UTP4: variants seen among roughly 807,000 people sequenced by gnomAD.
UTP4 encodes the protein U3 small nucleolar RNA-associated protein 4 homolog.
UTP4 carries 45 observed loss-of-function variants against 82.4 expected under a neutral mutation model. That is an observed-to-expected ratio of 0.55 (90% CI 0.43 to 0.70). The LOEUF is 0.70. UTP4 is among the 30% of genes least tolerant of loss of function. UTP4 has a pLI of 0.00. For missense variants in UTP4, 819 were observed against 858.3 expected (o/e 0.95, Z 0.57); for synonymous variants, 348 against 300.3 (o/e 1.16, Z -1.64).
chr16:69,150,551 C>T lies in UTP4; in HGVS notation c.753C>T (p.Phe251=), dbSNP rs767259669. The change falls in exon 7 of 17, where the codon TTC becomes TTT. Residue 251 remains phenylalanine (F), a synonymous_variant. Coordinates refer to ENST00000314423, the MANE Select transcript of UTP4 (RefSeq NM_032830.3). ...SIAVADQEDS[F]VVGTAEGTVF... is the part of the protein sequence containing the mutation. ...TAATTCCTCAGCAAGAAGACAGTTT[C>T]GTGGTGGGCACAGCCGAGGGAACAG... 7.4e-6 allele frequency: 12 copies of T among 1,614,208 alleles called. No homozygotes were observed. Among genetic ancestry groups the T allele is most frequent in the East Asian group, 2.2e-5 (1 of 44,878 alleles).
At chr16:69,151,522 G>A (rs980809705) in intron 8 of UTP4, among the ~76,000 whole-genome samples, 1 of 149,984 alleles carries the variant, frequency 6.7e-6, no homozygotes, top group Non-Finnish European at 1.5e-5. Flanking sequence ...GGGTTTCACT[G>A]TGTTAACCAG....
At chr16:69,159,953 C>A (rs1567379959) in intron 12 of UTP4, among the ~76,000 whole-genome samples, 2 of 151,142 alleles carry the variant, frequency 1.3e-5, no homozygotes, top group African/African-American at 4.9e-5. Flanking sequence ...CCACTGCACT[C>A]CAGCCCGAGT....
At chr16:69,153,524 G>C (rs1373297391) in intron 8 of UTP4, 60 bp from the exon 9 acceptor site, 8 of 1,130,432 alleles carry the variant, frequency 7.1e-6, no homozygotes, top group Non-Finnish European at 9.3e-6. Context: ...TACTGTATCT[G>C]GTACTAAGGC....
Position 69,136,481 on chromosome 16 carries a change from C to T in UTP4, c.160-215C>T, listed in dbSNP as rs941904344. Among the ~76,000 whole-genome samples, 6 of 152,192 alleles carry T rather than the reference C, an allele frequency of 3.9e-5. No individual in the cohort carries two copies. The South Asian group carries it at 8.3e-4, about 21-fold the overall frequency. On this transcript the variant is annotated intron_variant, in intron 2 of 16. Transcript: ENST00000314423. ...ACCTTTTCTGCTGAAAATGTTTTGCCGAACTAGTCCTAGTAAAAGAAACAA... is the reference window on the plus strand; with the variant it reads ...ACCTTTTCTGCTGAAAATGTTTTGCTGAACTAGTCCTAGTAAAAGAAACAA...
chr16:69,153,655 G>A lies in UTP4; in HGVS notation c.1074G>A (p.Trp358Ter). The change falls in exon 9 of 17, where the codon TGG becomes TGA. Residue 358 changes from tryptophan to a stop codon, truncating the protein, a stop_gained. Transcript: ENST00000314423. LOFTEE classifies it high-confidence loss of function. The part of the protein sequence containing the change: ...LFQFAHHLEL[W>*]RLGSTVATGK... The stretch of plus-strand genomic sequence containing the variant: ...AGTTTGCTCATCACTTAGAACTTTG[G>A]CGACTGGGATCCACAGTTGCAACAG... 1 of 1,613,162 alleles carries A rather than the reference G, an allele frequency of 6.2e-7. No homozygotes were observed. The highest frequency in any genetic ancestry group is 8.5e-7 in the Non-Finnish European group (1 of 1,179,578).
chr16:69,150,385 T>G, intron 6 of UTP4, 152 bp from the exon 7 acceptor site: 2 of 892,178 alleles, frequency 2.2e-6, no homozygotes, highest in Non-Finnish European at 3.7e-6. Flanking sequence ...GATGGAATCC[T>G]TAGCTTCTGG....
At chr16:69,143,550 A>G (rs544303361) in intron 6 of UTP4, among the ~76,000 whole-genome samples, 161 bp downstream of exon 6, 50 of 152,198 alleles carry the variant, frequency 3.3e-4, no homozygotes, top group Non-Finnish European at 7.1e-4. Context: ...CATTGTTTCC[A>G]TAGTACCTAA....
Position 69,143,092 on chromosome 16 carries a change from A to G in UTP4, c.527-86A>G. 1.3e-5 allele frequency: 18 copies of G among 1,402,100 alleles called. No individual in the cohort carries two copies. In the South Asian group the frequency reaches 2.1e-4, roughly 16 times the overall value. 86.9% of individuals were successfully genotyped at this position (1,402,100 alleles called of 1,614,324 possible). A position where few individuals can be genotyped will look rare whatever the true frequency, so the allele number is the denominator to read the frequency against. ...AGGCTGGCCTTAAACTCCAGGGCTC[A>G]AGCAGTCCTTCCACTTTGGCCGCAG... On this transcript the variant is annotated intron_variant, in intron 5 of 16. Coordinates refer to ENST00000314423, the MANE Select transcript of UTP4 (RefSeq NM_032830.3).
Position 69,154,429 on chromosome 16 carries a change from C to A in UTP4, c.1136C>A (p.Ala379Glu). ...GATACTCTTCCACTCTCTAAAAATG[C>A]AGATCATTTACTGCACCTAAAGACA... ...NGDTLPLSKN[A>E]DHLLHLKTKG... Residue 379 changes from alanine to glutamate, a missense_variant, in exon 10 of 17, where the codon GCA (alanine) becomes GAA (glutamate). Physicochemically the swap from Ala to Glu is moderately radical, Grantham distance 107. Coordinates refer to ENST00000314423, the MANE Select transcript of UTP4 (RefSeq NM_032830.3). 1 of 1,613,124 alleles carries A rather than the reference C, an allele frequency of 6.2e-7. No individual in the cohort carries two copies. Among genetic ancestry groups the A allele is most frequent in the South Asian group, 1.1e-5 (1 of 91,050 alleles).
chr16:69,137,873 G>A lies in UTP4; in HGVS notation c.424G>A (p.Asp142Asn), dbSNP rs776455835. 1 of 1,608,910 alleles carries A rather than the reference G, an allele frequency of 6.2e-7. No homozygotes were observed. The highest frequency in any genetic ancestry group is 1.1e-5 in the South Asian group (1 of 90,986). The change falls in exon 4 of 17, where the codon GAT becomes AAT. Residue 142 changes from aspartate to asparagine, a missense_variant. Asp to Asn is a conservative substitution (Grantham distance 23). Coordinates refer to ENST00000314423, the MANE Select transcript of UTP4 (RefSeq NM_032830.3). ...CAAAATCCAGTTTGAAAGAAATTTTGATCGGCAGAAAAGTAAGCGTCATTT... is the reference window on the plus strand; with the variant it reads ...CAAAATCCAGTTTGAAAGAAATTTTAATCGGCAGAAAAGTAAGCGTCATTT... Reference protein sequence around the residue: ...PDKIQFERNFDRQKSRILSLS... With the variant: ...PDKIQFERNFNRQKSRILSLS...
intron 3 of UTP4, 73 bp downstream of exon 3, chr16:69,136,960 A>G (rs1341692361): frequency 4.7e-6 from 6 of 1,273,320 alleles, no homozygotes; most frequent in Non-Finnish European, 6.9e-6. Flanking sequence ...CCCTGTGCTC[A>G]TAGGAGAGTA....
chr16:69,153,820 GATAAAGCAAATAAGCTGTTTAGAGTA>G, intron 9 of UTP4, 140 bp downstream of exon 9: 2 of 706,790 alleles, frequency 2.8e-6, no homozygotes, highest in Non-Finnish European at 5.1e-6. Flanking sequence ...CCACCCATTA[GATAAAGCAAATAAGCTGTTTAGAGTA>G]TTAGAATCTT....
Position 69,139,873 on chromosome 16 carries a change from C to T in UTP4, c.485C>T (p.Ala162Val), listed in dbSNP as rs1962914481. The part of the protein sequence containing the change: ...SWHPSGTHIA[A>V]GSIDYISVFD... ...CATCCCTCTGGTACCCACATTGCAG[C>T]TGGTTCCATAGACTACATTAGTGTG... Residue 162 changes from alanine (A) to valine (V), a missense_variant, in exon 5 of 17, where the codon GCT becomes GTT. Coordinates refer to ENST00000314423, the MANE Select transcript of UTP4 (RefSeq NM_032830.3). 1 of 1,613,920 alleles carries T rather than the reference C, an allele frequency of 6.2e-7. No homozygotes were observed. The highest frequency in any genetic ancestry group is 1.1e-5 in the South Asian group (1 of 91,078).
At chr16:69,144,277 C>T (rs1256083847) in intron 6 of UTP4, among the ~76,000 whole-genome samples, 1 of 151,754 alleles carries the variant, frequency 6.6e-6, no homozygotes, top group Non-Finnish European at 1.5e-5. Context: ...TCTTGGCTCA[C>T]TGCAACCTCT....
At chr16:69,133,001 G>T (rs1962677737) in intron 1 of UTP4, 1 of 234,326 alleles carries the variant, frequency 4.3e-6, no homozygotes, top group Admixed American at 5.3e-5. Flanking sequence ...GGCGTCGGGG[G>T]GACGGGGTAG....
At chr16:69,164,211 C>G (rs1049478057) in intron 14 of UTP4, among the ~76,000 whole-genome samples, 1 of 151,878 alleles carries the variant, frequency 6.6e-6, no homozygotes, top group African/African-American at 2.4e-5. Flanking sequence ...CTCACACATG[C>G]ACACACACAC....
chr16:69,135,551 A>T (rs575801722), intron 2 of UTP4, among the ~76,000 whole-genome samples: 2 of 152,220 alleles, frequency 1.3e-5, no homozygotes, highest in East Asian at 1.9e-4. Flanking sequence ...CATCCCTAAA[A>T]AAATAAATAA....
At chr16:69,156,492 C>G (rs866433414) in intron 11 of UTP4, among the ~76,000 whole-genome samples, 1 of 147,838 alleles carries the variant, frequency 6.8e-6, no homozygotes, top group Non-Finnish European at 1.5e-5. Context: ...GAGTTTCACT[C>G]TTGTCACCCA....
At chr16:69,147,108 T>G (rs1305108480) in intron 6 of UTP4, among the ~76,000 whole-genome samples, 1 of 143,936 alleles carries the variant, frequency 6.9e-6, no homozygotes, top group Middle Eastern at 4.0e-3. Flanking sequence ...ACCCGGGAGA[T>G]AGACGTTGCA....
Sources: gnomAD v4.1 joint callset for allele counts (sites outside exome capture counted in the v4.1 genomes callset) on GRCh38, gnomAD v4.1.1 for gene constraint, MANE v1.5 for transcripts, NCBI Gene and HGNC (gene_info 2026-07-23, HGNC 2026-07-21) for gene names.